Variants in ARID4A observed in about 807,000 individuals in gnomAD.
ARID4A encodes the protein AT-rich interaction domain 4A.
In ARID4A, 39 loss-of-function variants were observed where a neutral mutation model predicts 148.6. The observed-to-expected ratio is 0.26, with a 90% CI of 0.20 to 0.34. The LOEUF is 0.34. Ranked by LOEUF, ARID4A falls within the 10% of genes least tolerant of loss-of-function variation. The pLI is 1.00. For synonymous variants in ARID4A, 475 were observed against 481.2 expected, an observed-to-expected ratio of 0.99 and a Z score of 0.17; for missense variants, 1,265 against 1,449.1, an observed-to-expected ratio of 0.87 and a Z score of 2.06.
At chr14:58,371,204 C>T (rs1283073071) in intron 23 of ARID4A, among the ~76,000 whole-genome samples, 1 of 151,898 alleles carries the variant, frequency 6.6e-6, no homozygotes, top group Non-Finnish European at 1.5e-5. Context: ...TCGCTTGAGC[C>T]CCAGAGGTTG....
At chr14:58,328,487 A>G (rs2033338757) in intron 9 of ARID4A, among the ~76,000 whole-genome samples, 171 bp downstream of exon 9, 1 of 152,182 alleles carries the variant, frequency 6.6e-6, no homozygotes, top group African/African-American at 2.4e-5. Flanking sequence ...ATTTTTCACT[A>G]ATAAATTTTA....
In ARID4A at chr14:58,366,983, A is replaced by T. The variant is rs770415268; in HGVS notation, c.3624A>T (p.Ala1208=). Residue 1208 remains alanine (A), a synonymous_variant, in exon 23 of 24, where the codon GCA becomes GCT. Transcript: ENST00000355431. ...KYYMSLKSEV[A]TIDRRRKRLK... Reference sequence around the variant, plus strand: ...ATATGTCTTTGAAGTCTGAAGTTGCAACCATAGACAGGAGGAGAAAAAGAT... The same window carrying T: ...ATATGTCTTTGAAGTCTGAAGTTGCTACCATAGACAGGAGGAGAAAAAGAT... 6 of 1,515,744 alleles carry T rather than the reference A, an allele frequency of 4.0e-6. No individual in the cohort carries two copies. The highest frequency in any genetic ancestry group is 5.2e-6 in the Non-Finnish European group (6 of 1,143,132). 93.9% of individuals were successfully genotyped at this position (1,515,744 alleles called of 1,614,324 possible).
chr14:58,363,156 C>T (rs897717350), intron 19 of ARID4A, among the ~76,000 whole-genome samples: 1 of 152,188 alleles, frequency 6.6e-6, no homozygotes, highest in Non-Finnish European at 1.5e-5. Context: ...ATTCTACATT[C>T]TGTTTATGAT....
chr14:58,362,683 A>C (rs756324294), intron 19 of ARID4A, among the ~76,000 whole-genome samples: 50 of 151,676 alleles, frequency 3.3e-4, no homozygotes, highest in Non-Finnish European at 5.0e-4. Context: ...TCAGTCTCCC[A>C]AGTAGCTGGG....
Position 58,364,381 on chromosome 14 carries a change from G to A in ARID4A, c.2292G>A (p.Glu764=). ...AAACCCTGAAGTTAGAAGTTGGAGA[G>A]AATGAACAAATAGTACAGATTTTTG... ...PLETLKLEVG[E]NEQIVQIFGN... is the part of the protein sequence containing the mutation. Residue 764 remains glutamate (E), a synonymous_variant, in exon 20 of 24, where the codon GAG becomes GAA. Coordinates refer to ENST00000355431, the MANE Select transcript of ARID4A (RefSeq NM_002892.4). 1 of 1,604,080 alleles carries A rather than the reference G, an allele frequency of 6.2e-7. No individual in the cohort carries two copies.
rs774931862 is a variant in ARID4A at position 58,329,568 on chromosome 14, C to G, written c.703C>G (p.Leu235Val). The G allele has an allele frequency of 4.4e-5, 70 of 1,607,408 alleles. No individual in the cohort carries two copies. The highest frequency in any genetic ancestry group is 4.3e-4 in the East Asian group (19 of 44,682). ...ARKDIKEVDI[L>V]NLPESELSTK... ...AAAGGACATTAAGGAAGTAGACATT[C>G]TCAATCTACCGGAATCTGAGCTCTC... The change falls in exon 10 of 24, where the codon CTC becomes GTC. Residue 235 changes from leucine to valine, a missense_variant. Physicochemically the swap from Leu to Val is conservative, Grantham distance 32. Around this residue, in one of 9 missense-constraint regions of ARID4A, gnomAD observed 249 missense variants for 277.2 expected, o/e 0.90. Transcript: ENST00000355431.
chr14:58,348,166 T>C (rs2034464036), intron 15 of ARID4A, among the ~76,000 whole-genome samples: 1 of 152,178 alleles, frequency 6.6e-6, no homozygotes, highest in Non-Finnish European at 1.5e-5. Flanking sequence ...TTGAAGGCTG[T>C]CTTGGTCACC....
In ARID4A at chr14:58,366,067, A is replaced by C; in HGVS notation, c.3360A>C (p.Ser1120=). The part of the protein sequence containing the change: ...DSEDLPVLDN[S]SKCTPVKHLN... ...AAGATCTTCCTGTCCTAGACAATTC[A>C]AGTAAATGTACCCCAGTAAAGCATC... is the stretch of plus-strand genomic sequence containing the variant. The change falls in exon 22 of 24, where the codon TCA becomes TCC. Residue 1120 remains serine, a synonymous_variant. Transcript: ENST00000355431. 3 of 1,613,836 alleles carry C rather than the reference A, an allele frequency of 1.9e-6. No homozygotes were observed. The highest frequency in any genetic ancestry group is 2.5e-6 in the Non-Finnish European group (3 of 1,179,766).
At chr14:58,320,343 G>A (rs932890020) in intron 7 of ARID4A, among the ~76,000 whole-genome samples, 2 of 152,040 alleles carry the variant, frequency 1.3e-5, no homozygotes, top group Non-Finnish European at 2.9e-5. Flanking sequence ...AAATATTTAG[G>A]AACAAGGAGA....
chr14:58,336,320 A>G (rs900024161), intron 11 of ARID4A, among the ~76,000 whole-genome samples: 1 of 152,142 alleles, frequency 6.6e-6, no homozygotes, highest in African/African-American at 2.4e-5. Flanking sequence ...TAAGCTATAT[A>G]TTGTCAATTG....
intron 11 of ARID4A, among the ~76,000 whole-genome samples, chr14:58,339,205 G>C (rs1485329060): frequency 6.6e-6 from 1 of 151,538 alleles, no homozygotes; most frequent in Admixed American, 6.6e-5. Context: ...TAAAACCCCT[G>C]GGCTCAAGTG....
At chr14:58,345,019 C>T (rs1456035525) in intron 12 of ARID4A, among the ~76,000 whole-genome samples, 2 of 151,926 alleles carry the variant, frequency 1.3e-5, no homozygotes, top group African/African-American at 2.4e-5. Flanking sequence ...ACTACAGGCA[C>T]GTGCCACCAT....
intron 15 of ARID4A, among the ~76,000 whole-genome samples, chr14:58,350,321 T>G (rs1235557877): frequency 2.6e-5 from 4 of 152,170 alleles, no homozygotes; most frequent in Non-Finnish European, 5.9e-5. Context: ...ATCCTAATGC[T>G]TCCTAAGTTG....
At chr14:58,345,899 G>A (rs2034341267) in intron 12 of ARID4A, among the ~76,000 whole-genome samples, 1 of 151,136 alleles carries the variant, frequency 6.6e-6, no homozygotes, top group Non-Finnish European at 1.5e-5. Context: ...CTCAGCTAAT[G>A]TTTTCCTTTT....
intron 17 of ARID4A, 79 bp downstream of exon 17, chr14:58,353,934 G>C (rs1316495839): frequency 7.9e-7 from 1 of 1,262,466 alleles, no homozygotes; most frequent in Non-Finnish European, 1.1e-6. Flanking sequence ...TATGAAGAGT[G>C]AAAGCAAATA....
intron 5 of ARID4A, 80 bp downstream of exon 5, chr14:58,306,192 T>C (rs906917841): frequency 1.5e-5 from 15 of 990,708 alleles, no homozygotes; most frequent in Non-Finnish European, 2.2e-5. Flanking sequence ...TGAATCATTG[T>C]GTTGGTGGAG....
In ARID4A at chr14:58,364,499, T is replaced by C; in HGVS notation, c.2410T>C (p.Leu804=). 2 of 1,612,122 alleles carry C rather than the reference T, an allele frequency of 1.2e-6. No homozygotes were observed. The highest frequency in any genetic ancestry group is 1.7e-6 in the Non-Finnish European group (2 of 1,179,686). ...GRRSKTKDLS[L]EIIKISSFGQ... The stretch of plus-strand genomic sequence containing the variant: ...ACGAAGCAAGACAAAAGATCTTTCT[T>C]TAGAAATTATAAAGATTTCATCATT... Residue 804 remains leucine, a synonymous_variant, in exon 20 of 24, where the codon TTA becomes CTA. Transcript: ENST00000355431.
intron 11 of ARID4A, among the ~76,000 whole-genome samples, chr14:58,336,464 C>A (rs1272863820): frequency 2.0e-5 from 3 of 152,118 alleles, no homozygotes; most frequent in Non-Finnish European, 4.4e-5. Context: ...GTTTTGTTTG[C>A]TTTTCACTTT....
intron 19 of ARID4A, among the ~76,000 whole-genome samples, chr14:58,361,472 T>C (rs1302060415): frequency 1.3e-5 from 2 of 152,234 alleles, no homozygotes; most frequent in African/African-American, 4.8e-5. Context: ...TTGGCATCAC[T>C]GTTATTCTTG....
Sources: gnomAD v4.1 joint callset for allele counts (sites outside exome capture counted in the v4.1 genomes callset) on GRCh38, gnomAD v4.1.1 for gene constraint, gnomAD v4.1.1 regional missense constraint, MANE v1.5 for transcripts, NCBI Gene and HGNC (gene_info 2026-07-23, HGNC 2026-07-21) for gene names.